Variants in CLN8 observed in about 807,000 individuals in gnomAD.
CLN8 encodes the protein CLN8 transmembrane ER and ERGIC protein, also known as protein CLN8.
In CLN8, 14 loss-of-function variants were observed where a neutral mutation model predicts 15.7. That is an observed-to-expected ratio of 0.89 (90% CI 0.59 to 1.39). The LOEUF is 1.39. CLN8 is among the 40% of genes most tolerant of loss of function. The probability of loss-of-function intolerance (pLI) is 0.00; values close to 1 mark genes in which losing one functional copy is unlikely to be tolerated. For synonymous variants in CLN8, 188 were observed against 151.0 expected (o/e 1.25, Z -1.80); for missense variants, 415 against 364.0 (o/e 1.14, Z -1.14).
intron 2 of CLN8, among the ~76,000 whole-genome samples, chr8:1,775,504 T>G (rs1348790917): frequency 6.6e-6 from 1 of 152,240 alleles, no homozygotes; most frequent in Non-Finnish European, 1.5e-5. Flanking sequence ...TTTAGTGCCT[T>G]AGTAAAACCA....
At chr8:1,764,041 G>T (rs1188862813) in intron 1 of CLN8, 156 bp downstream of exon 1, 2 of 152,150 alleles carry the variant, frequency 1.3e-5, no homozygotes, top group African/African-American at 4.8e-5. Flanking sequence ...GGGAAGCCCG[G>T]GTGAGGGGAC....
rs1334553384 is a variant in CLN8 at position 1,771,031 on chromosome 8, T to A, written c.-24T>A. 1 of 1,613,566 alleles carries A rather than the reference T, an allele frequency of 6.2e-7. No homozygotes were observed. The highest frequency in any genetic ancestry group is 2.2e-5 in the East Asian group (1 of 44,864). On this transcript the variant is annotated 5_prime_UTR_variant, in exon 2 of 3. Coordinates refer to ENST00000331222, the MANE Select transcript of CLN8 (RefSeq NM_018941.4). ...GCCCGGCCCGTGTTGGCCCCAGGACTCCTTTGGAATATAGCTGTGGACAAT... is the reference window on the plus strand; with the variant it reads ...GCCCGGCCCGTGTTGGCCCCAGGACACCTTTGGAATATAGCTGTGGACAAT...
intron 2 of CLN8, among the ~76,000 whole-genome samples, chr8:1,774,176 A>G (rs971137365): frequency 1.3e-5 from 2 of 152,190 alleles, no homozygotes; most frequent in African/African-American, 4.8e-5. Flanking sequence ...GGTGGAGCCC[A>G]GCCTCCAGGA....
At chr8:1,773,982 T>C (rs1451344161) in intron 2 of CLN8, 1 of 152,260 alleles carries the variant, frequency 6.6e-6, no homozygotes, top group African/African-American at 2.4e-5. Context: ...AATAGATTAA[T>C]AGTTATCTTG....
intron 1 of CLN8, chr8:1,756,087 G>C (rs904268320): frequency 6.6e-6 from 1 of 152,208 alleles, no homozygotes; most frequent in Non-Finnish European, 1.5e-5. Flanking sequence ...TCTTAGGTAA[G>C]TTTTCATTGT....
chr8:1,762,040 A>T (rs923364514), upstream of CLN8: 1 of 152,222 alleles, frequency 6.6e-6, no homozygotes, highest in African/African-American at 2.4e-5. Context: ...AGTTTCTTCC[A>T]AAGTTAGTTT....
upstream of CLN8, chr8:1,763,147 G>A (rs1007681462): frequency 1.3e-5 from 2 of 151,928 alleles, no homozygotes; most frequent in Non-Finnish European, 2.9e-5. Context: ...GAGCCCCGGG[G>A]AGGCTCCGGC....
In CLN8 at chr8:1,785,114, C is replaced by T. The variant is rs546907678; in HGVS notation, c.*4547C>T. The T allele has an allele frequency of 8.7e-4, 137 of 157,990 alleles. No homozygotes were observed. Among genetic ancestry groups the T allele is most frequent in the Admixed American group, 1.9e-3 (31 of 16,516 alleles). The allele number at this position is 157,990 out of a possible 1,614,324, so 9.8% of individuals were successfully genotyped here. A position where few individuals can be genotyped will look rare whatever the true frequency, so the allele number is the denominator to read the frequency against. On this transcript the variant is annotated 3_prime_UTR_variant, in exon 3 of 3. Transcript: ENST00000331222. Reference sequence around the variant, plus strand: ...CTCTTGTTCTATGCGAATGTGCTCACGCAGACAGAAGCGGAGGGGCTCCGT... The same window carrying T: ...CTCTTGTTCTATGCGAATGTGCTCATGCAGACAGAAGCGGAGGGGCTCCGT...
rs1163111819 is a variant in CLN8 at position 1,783,384 on chromosome 8, A to G, written c.*2817A>G. 1 of 152,246 alleles carries G rather than the reference A, an allele frequency of 6.6e-6. No homozygotes were observed. Among genetic ancestry groups the G allele is most frequent in the African/African-American group, 2.4e-5 (1 of 41,464 alleles). 9.4% of individuals were successfully genotyped at this position (152,246 alleles called of 1,614,324 possible). A position where few individuals can be genotyped will look rare whatever the true frequency, so the allele number is the denominator to read the frequency against. On this transcript the variant is annotated 3_prime_UTR_variant, in exon 3 of 3. Transcript: ENST00000331222. ...AGGACGATTGGGCAATATCGGCCTTAACTCCACCTGATGGCAGGTGACCCG... is the reference window on the plus strand; with the variant it reads ...AGGACGATTGGGCAATATCGGCCTTGACTCCACCTGATGGCAGGTGACCCG...
chr8:1,772,638 G>C (rs569083734), intron 2 of CLN8, among the ~76,000 whole-genome samples: 4 of 151,678 alleles, frequency 2.6e-5, no homozygotes, highest in Non-Finnish European at 5.9e-5. Context: ...GTGTGTGTGT[G>C]TGTGTGTGTG....
intron 1 of CLN8, among the ~76,000 whole-genome samples, chr8:1,765,911 G>A (rs1350570105): frequency 3.3e-5 from 5 of 152,194 alleles, no homozygotes; most frequent in Non-Finnish European, 7.3e-5. Context: ...AGGGAAAAAA[G>A]CATGCAACCT....
chr8:1,755,353 C>A (rs1800645153), upstream of CLN8, among the ~76,000 whole-genome samples: 1 of 152,066 alleles, frequency 6.6e-6, no homozygotes, highest in Admixed American at 6.6e-5. Flanking sequence ...GGATCCCCAC[C>A]CGACTCCCCT....
chr8:1,777,553 T>C (rs921650710), intron 2 of CLN8, among the ~76,000 whole-genome samples: 3 of 152,256 alleles, frequency 2.0e-5, no homozygotes, highest in African/African-American at 7.2e-5. Flanking sequence ...AAAACACAAA[T>C]ACATTGTGTG....
chr8:1,763,907 G>A (rs1800925273), intron 1 of CLN8, 22 bp downstream of exon 1: 2 of 152,652 alleles, frequency 1.3e-5, no homozygotes, highest in East Asian at 2.0e-4. Flanking sequence ...GGGAGCCCGG[G>A]TGAGGGCCGG....
chr8:1,762,984 A>C (rs1381175086), upstream of CLN8: 1 of 152,222 alleles, frequency 6.6e-6, no homozygotes, highest in African/African-American at 2.4e-5. Flanking sequence ...TCGAATAACA[A>C]CCTTAGAGAG....
chr8:1,779,473 G>A (rs1182591006), intron 2 of CLN8, among the ~76,000 whole-genome samples: 7 of 152,190 alleles, frequency 4.6e-5, no homozygotes. Flanking sequence ...TCAAACTTCT[G>A]ACTTCAAGTG....
At position 1,770,995 on chromosome 8, in the gene CLN8, C is replaced by T. The variant is rs1801274058; in HGVS notation, c.-60C>T. 1.3e-6 allele frequency: 2 copies of T among 1,528,748 alleles called. No homozygotes were observed. The highest frequency in any genetic ancestry group is 9.0e-7 in the Non-Finnish European group (1 of 1,105,722). The allele number at this position is 1,528,748 out of a possible 1,614,324, so 94.7% of individuals were successfully genotyped here. ...ACTGACTTCATTTCCTTAGACAAGACACAGTGTAGGGCCCGGCCCGTGTTG... is the reference window on the plus strand; with the variant it reads ...ACTGACTTCATTTCCTTAGACAAGATACAGTGTAGGGCCCGGCCCGTGTTG... On this transcript the variant is annotated 5_prime_UTR_variant, in exon 2 of 3. Transcript: ENST00000331222.
rs141399498 is a variant in CLN8 at position 1,778,821 on chromosome 8, C to A, written c.544-1429C>A. Among the ~76,000 whole-genome samples, 219 of 152,234 alleles carry A rather than the reference C, an allele frequency of 1.4e-3. 1 individual carries two copies. Among genetic ancestry groups the A allele is most frequent in the African/African-American group, 5.1e-3 (213 of 41,540 alleles). ...TGTCCTCACATTAATTTTTTCAGTC[C>A]AGACTTAGAATAGATGCTCTTTGAC... On this transcript the variant is annotated intron_variant, in intron 2 of 2. Transcript: ENST00000331222.
rs573971238 is a variant in CLN8, at chr8:1,758,289, G to T, written c.-124+2207G>T. On this transcript the variant is annotated intron_variant, in intron 1 of 1. Transcript: ENST00000524258. ...ACTTGCTAAAGAAAACATTATACACGGCCCTTATTAAAGAACGGTAAGACA... is the reference window on the plus strand; with the variant it reads ...ACTTGCTAAAGAAAACATTATACACTGCCCTTATTAAAGAACGGTAAGACA... The T allele has an allele frequency of 2.0e-4, 31 of 151,442 alleles. No homozygotes were observed. The South Asian group carries it at 5.1e-3, about 25-fold the overall frequency. The allele number at this position is 151,442 out of a possible 1,614,324, so 9.4% of individuals were successfully genotyped here. A position where few individuals can be genotyped will look rare whatever the true frequency, so the allele number is the denominator to read the frequency against.
Sources: gnomAD v4.1 joint callset for allele counts (sites outside exome capture counted in the v4.1 genomes callset) on GRCh38, gnomAD v4.1.1 for gene constraint, MANE v1.5 for transcripts, NCBI Gene and HGNC (gene_info 2026-07-23, HGNC 2026-07-21) for gene names.